The following IGSF11 variants were observed in gnomAD, a reference collection of about 807,000 sequenced individuals.
IGSF11 encodes CXADR like 1.
Under a neutral mutation model 41.0 loss-of-function variants are expected in IGSF11, and 22 were observed. That is an observed-to-expected ratio of 0.54 (90% confidence interval 0.38 to 0.77). The LOEUF (loss-of-function observed/expected upper bound fraction) is 0.77. Ranked by LOEUF, IGSF11 falls within the 30% of genes least tolerant of loss-of-function variation. The pLI is 0.00. For synonymous variants in IGSF11, 219 were observed against 201.3 expected, an observed-to-expected ratio of 1.09 and a Z score of -0.74; for missense variants, 444 against 530.8, an observed-to-expected ratio of 0.84 and a Z score of 1.61.
chr3:119,028,927 G>T (rs1437259857), intron 1 of IGSF11, among the ~76,000 whole-genome samples: 1 of 151,954 alleles, frequency 6.6e-6, no homozygotes, highest in Non-Finnish European at 1.5e-5. Context: ...TTTGTATTCT[G>T]GTTTTTGGGG....
chr3:119,101,399 C>T (rs2076938083), intron 1 of IGSF11, among the ~76,000 whole-genome samples: 1 of 152,016 alleles, frequency 6.6e-6, no homozygotes, highest in Admixed American at 6.6e-5. Context: ...GTCCCAGATA[C>T]TAGGGAGGCT....
At chr3:118,969,237 A>G (rs1013290205) in intron 1 of IGSF11, among the ~76,000 whole-genome samples, 1 of 152,212 alleles carries the variant, frequency 6.6e-6, no homozygotes, top group Non-Finnish European at 1.5e-5. Flanking sequence ...TGACTATAAA[A>G]ATAAAGAAAG....
chr3:119,008,196 A>G (rs944003758), intron 1 of IGSF11, among the ~76,000 whole-genome samples: 1 of 150,848 alleles, frequency 6.6e-6, no homozygotes, highest in African/African-American at 2.5e-5. Flanking sequence ...GTAAATAAAA[A>G]CTCCAGATTA....
chr3:119,113,471 A>G (rs2077212436), intron 1 of IGSF11, among the ~76,000 whole-genome samples: 1 of 152,214 alleles, frequency 6.6e-6, no homozygotes, highest in South Asian at 2.1e-4. Flanking sequence ...CCAGGATGAC[A>G]CTCATTAAAT....
chr3:119,135,312 A>G (rs2077544740), intron 1 of IGSF11, among the ~76,000 whole-genome samples: 1 of 152,238 alleles, frequency 6.6e-6, no homozygotes, highest in African/African-American at 2.4e-5. Context: ...CAATCTACCC[A>G]TCTGACAAAG....
intron 1 of IGSF11, among the ~76,000 whole-genome samples, chr3:119,060,913 C>G (rs1176424862): frequency 6.6e-6 from 1 of 152,150 alleles, no homozygotes; most frequent in African/African-American, 2.4e-5. Flanking sequence ...ATAACCCACT[C>G]TTTAAAAATT....
chr3:118,952,529 G>A (rs971098929), intron 1 of IGSF11, among the ~76,000 whole-genome samples: 1 of 152,018 alleles, frequency 6.6e-6, no homozygotes, highest in Non-Finnish European at 1.5e-5. Context: ...CATTTTCTTT[G>A]CTCATCCAGA....
At chr3:119,095,798 GA>G in intron 1 of IGSF11, among the ~76,000 whole-genome samples, 1 of 152,182 alleles carries the variant, frequency 6.6e-6, no homozygotes, top group African/African-American at 2.4e-5. Flanking sequence ...TTCTTTGGGG[GA>G]AGAAGTTACC....
intron 1 of IGSF11, among the ~76,000 whole-genome samples, chr3:119,136,583 G>T (rs1454642745): frequency 6.6e-6 from 1 of 151,992 alleles, no homozygotes; most frequent in Non-Finnish European, 1.5e-5. Flanking sequence ...GACAAAGAAG[G>T]TCACTATATA....
chr3:118,993,107 TC>T (rs760822056), intron 1 of IGSF11, among the ~76,000 whole-genome samples: 21 of 152,132 alleles, frequency 1.4e-4, no homozygotes, highest in Non-Finnish European at 2.9e-4. Flanking sequence ...ATACCTGTAG[TC>T]CCAGCTACTC....
chr3:118,997,812 T>A (rs1688122203), intron 1 of IGSF11, among the ~76,000 whole-genome samples: 1 of 152,168 alleles, frequency 6.6e-6, no homozygotes, highest in Non-Finnish European at 1.5e-5. Flanking sequence ...CAAACAATAA[T>A]AAAATTGTAA....
At chr3:119,073,964 A>T (rs952045007) in intron 1 of IGSF11, among the ~76,000 whole-genome samples, 1 of 152,248 alleles carries the variant, frequency 6.6e-6, no homozygotes, top group Admixed American at 6.5e-5. Flanking sequence ...GTCACCTCTC[A>T]AGGTCATCTA....
chr3:119,132,687 A>T (rs1454319441), intron 1 of IGSF11, among the ~76,000 whole-genome samples: 1 of 152,124 alleles, frequency 6.6e-6, no homozygotes, highest in Non-Finnish European at 1.5e-5. Context: ...AAGGATATCC[A>T]GGACTTGAAC....
chr3:118,972,095 G>A (rs552313066), intron 1 of IGSF11, among the ~76,000 whole-genome samples: 1 of 152,226 alleles, frequency 6.6e-6, no homozygotes, highest in East Asian at 1.9e-4. Flanking sequence ...AGAACAGAAA[G>A]GAAGAACTCA....
At chr3:119,135,524 C>G (rs11924102) in intron 1 of IGSF11, among the ~76,000 whole-genome samples, 1 of 152,040 alleles carries the variant, frequency 6.6e-6, no homozygotes, top group Non-Finnish European at 1.5e-5. Flanking sequence ...TATCATCTCA[C>G]GCAGGTTAGA....
intron 1 of IGSF11, among the ~76,000 whole-genome samples, chr3:119,023,445 T>C (rs957368063): frequency 3.9e-5 from 6 of 152,128 alleles, no homozygotes; most frequent in African/African-American, 1.2e-4. Context: ...GCTGCTACAA[T>C]TGACATAGTT....
intron 1 of IGSF11, among the ~76,000 whole-genome samples, chr3:119,104,302 A>G (rs1162306209): frequency 6.6e-6 from 1 of 152,104 alleles, no homozygotes; most frequent in Admixed American, 6.5e-5. Flanking sequence ...ATCTATTATT[A>G]CCCAGCCCCT....
At chr3:119,021,780 T>C (rs1455358040) in intron 1 of IGSF11, among the ~76,000 whole-genome samples, 1 of 152,072 alleles carries the variant, frequency 6.6e-6, no homozygotes, top group Non-Finnish European at 1.5e-5. Flanking sequence ...AGGCAAAAAA[T>C]TTATAGTCAA....
At chr3:118,972,448 T>C (rs1421586898) in intron 1 of IGSF11, among the ~76,000 whole-genome samples, 1 of 152,242 alleles carries the variant, frequency 6.6e-6, no homozygotes, top group East Asian at 1.9e-4. Flanking sequence ...TTGTCTTCTC[T>C]CCTGGCTAAA....
Sources: gnomAD v4.1 joint callset for allele counts (sites outside exome capture counted in the v4.1 genomes callset) on GRCh38, gnomAD v4.1.1 for gene constraint, MANE v1.5 for transcripts, NCBI Gene and HGNC (gene_info 2026-07-23, HGNC 2026-07-21) for gene names.